Variants in KCNN2 observed in about 807,000 individuals in gnomAD.
The protein encoded by KCNN2 is potassium calcium-activated channel subfamily N member 2.
Under a neutral mutation model 55.5 loss-of-function variants are expected in KCNN2, and 24 were observed. The observed-to-expected ratio is 0.43, with a 90% CI of 0.31 to 0.61. The LOEUF is 0.61. Ranked by LOEUF, KCNN2 falls within the 20% of genes least tolerant of loss-of-function variation. KCNN2 has a pLI of 0.08. For missense variants in KCNN2, 754 were observed against 853.6 expected (o/e 0.88, Z 1.45); for synonymous variants, 431 against 336.1 (o/e 1.28, Z -3.09).
intron 2 of KCNN2, among the ~76,000 whole-genome samples, chr5:114,324,555 T>A (rs955900590): frequency 9.9e-5 from 15 of 152,232 alleles, no homozygotes; most frequent in Non-Finnish European, 1.5e-5. Flanking sequence ...AGATTCTCCC[T>A]GTCAGCCCTG....
At position 114,363,154 on chromosome 5, in the gene KCNN2, C is replaced by G. The variant is rs753859198; in HGVS notation, c.1015C>G (p.Leu339Val). Residue 339 changes from leucine to valine, a missense_variant, in exon 1 of 8, where the codon CTG (leucine) becomes GTG (valine). Around this residue, in one of 4 missense-constraint regions of KCNN2, gnomAD observed 123 missense variants for 204.9 expected, o/e 0.60. Coordinates refer to ENST00000673685, the MANE Select transcript of KCNN2 (RefSeq NM_021614.4). The part of the protein sequence containing the change: ...IGYKLGHRRA[L>V]FEKRKRLSDY... ...CTACAAGCTGGGCCACCGGCGCGCC[C>G]TGTTCGAAAAGCGCAAGCGGCTCAG... The G allele has an allele frequency of 6.2e-7, 1 of 1,613,556 alleles. No homozygotes were observed. Among genetic ancestry groups the G allele is most frequent in the Non-Finnish European group, 8.5e-7 (1 of 1,180,006 alleles).
intron 2 of KCNN2, among the ~76,000 whole-genome samples, chr5:114,266,360 A>G (rs938673219): frequency 1.3e-5 from 2 of 152,126 alleles, no homozygotes; most frequent in South Asian, 4.1e-4. Flanking sequence ...TTTTAGACCC[A>G]AGTTACTGAG....
intron 2 of KCNN2, among the ~76,000 whole-genome samples, chr5:114,319,917 A>AAAGG (rs1326848811): frequency 2.0e-5 from 3 of 152,178 alleles, no homozygotes; most frequent in Non-Finnish European, 4.4e-5. Flanking sequence ...GTTGTTAGTC[A>AAAGG]AAGGAAGGAA....
intron 5 of KCNN2, 89 bp from the exon 6 acceptor site, chr5:114,486,961 A>G: frequency 6.8e-7 from 1 of 1,461,588 alleles, no homozygotes. Context: ...GCTCACCATG[A>G]TCCTTGGGAT....
At chr5:114,159,564 T>A (rs932413879) in intron 1 of KCNN2, among the ~76,000 whole-genome samples, 2 of 152,216 alleles carry the variant, frequency 1.3e-5, no homozygotes, top group East Asian at 3.8e-4. Flanking sequence ...ATTGGGATAG[T>A]TTCTGAAGGA....
chr5:114,344,549 T>G (rs1165249995), intron 2 of KCNN2, among the ~76,000 whole-genome samples: 1 of 152,196 alleles, frequency 6.6e-6, no homozygotes, highest in Non-Finnish European at 1.5e-5. Context: ...ATTGATGGAT[T>G]TATTTTCCAT....
At chr5:114,295,955 A>C (rs1349957345) in intron 2 of KCNN2, among the ~76,000 whole-genome samples, 1 of 152,236 alleles carries the variant, frequency 6.6e-6, no homozygotes, top group Non-Finnish European at 1.5e-5. Flanking sequence ...CTAAGGTGCC[A>C]TGAAAATATC....
At chr5:114,488,698 C>T (rs1021151096) in intron 6 of KCNN2, among the ~76,000 whole-genome samples, 4 of 152,136 alleles carry the variant, frequency 2.6e-5, no homozygotes, top group African/African-American at 9.7e-5. Context: ...AGGCATCTTC[C>T]TCAAGGCACT....
At chr5:114,320,607 C>CT (rs1247411303) in intron 2 of KCNN2, among the ~76,000 whole-genome samples, 1 of 149,984 alleles carries the variant, frequency 6.7e-6, no homozygotes, top group East Asian at 2.0e-4. Flanking sequence ...CAGCGAGACT[C>CT]TGTCTCAAAA....
At chr5:114,244,602 A>G (rs1169520149) in intron 2 of KCNN2, among the ~76,000 whole-genome samples, 1 of 141,486 alleles carries the variant, frequency 7.1e-6, no homozygotes, top group Admixed American at 7.0e-5. Context: ...TGGGGCGGGC[A>G]TGGGGGGTTA....
At chr5:114,463,871 A>G (rs1475354949) in intron 4 of KCNN2, among the ~76,000 whole-genome samples, 1 of 152,242 alleles carries the variant, frequency 6.6e-6, no homozygotes, top group Non-Finnish European at 1.5e-5. Context: ...AGAAGGGTCC[A>G]TACCCAGGAA....
Position 114,368,643 on chromosome 5 carries a change from A to G in KCNN2, c.1218+4642A>G, listed in dbSNP as rs187333245. Among the ~76,000 whole-genome samples, 639 of 152,354 alleles carry G rather than the reference A, an allele frequency of 4.2e-3. 2 individuals are homozygous for G. Among genetic ancestry groups the G allele is most frequent in the Non-Finnish European group, 6.4e-3 (433 of 68,026 alleles). On this transcript the variant is annotated intron_variant, in intron 2 of 7. Coordinates refer to ENST00000673685, the MANE Select transcript of KCNN2 (RefSeq NM_021614.4). ...ATACTGCATATAGTTTACTATTTTT[A>G]TTAATAAAATAACCAATACACATAA...
At chr5:114,349,596 A>T (rs932511311) in intron 2 of KCNN2, among the ~76,000 whole-genome samples, 2 of 152,074 alleles carry the variant, frequency 1.3e-5, no homozygotes, top group African/African-American at 4.8e-5. Flanking sequence ...CTCTGATCCC[A>T]AGCATTCTGG....
At chr5:114,483,306 G>A (rs562043686) in intron 5 of KCNN2, among the ~76,000 whole-genome samples, 4 of 134,672 alleles carry the variant, frequency 3.0e-5, no homozygotes, top group Admixed American at 8.5e-5. Flanking sequence ...AGACGGAGTC[G>A]CTTTGTCACC....
intron 1 of KCNN2, among the ~76,000 whole-genome samples, chr5:114,161,909 T>G (rs1423758673): frequency 6.6e-6 from 1 of 152,200 alleles, no homozygotes; most frequent in African/African-American, 2.4e-5. Flanking sequence ...TCGTCTAGTT[T>G]TTGTTCAAGG....
intron 2 of KCNN2, among the ~76,000 whole-genome samples, chr5:114,335,880 A>G (rs1756914429): frequency 1.3e-5 from 2 of 152,214 alleles, no homozygotes; most frequent in African/African-American, 4.8e-5. Context: ...GGATAGTTTC[A>G]GAAACTACGA....
intron 1 of KCNN2, among the ~76,000 whole-genome samples, chr5:114,092,352 G>A (rs924419744): frequency 2.0e-5 from 3 of 152,190 alleles, no homozygotes. Context: ...ATGGCCTTGG[G>A]CAGCTCAGCC....
chr5:114,493,116 C>T (rs922755698), intron 6 of KCNN2, among the ~76,000 whole-genome samples: 1 of 152,070 alleles, frequency 6.6e-6, no homozygotes. Flanking sequence ...GGCTTTTTCT[C>T]ATATGGTTAA....
chr5:114,272,495 C>T (rs1755374450), intron 2 of KCNN2, among the ~76,000 whole-genome samples: 1 of 151,844 alleles, frequency 6.6e-6, no homozygotes, highest in Admixed American at 6.6e-5. Flanking sequence ...ATATCATATA[C>T]ACATACATAT....
Sources: gnomAD v4.1 joint callset for allele counts (sites outside exome capture counted in the v4.1 genomes callset) on GRCh38, gnomAD v4.1.1 for gene constraint, gnomAD v4.1.1 regional missense constraint, MANE v1.5 for transcripts, NCBI Gene and HGNC (gene_info 2026-07-23, HGNC 2026-07-21) for gene names.